GRIN3A: variants seen among roughly 807,000 people sequenced by gnomAD.
GRIN3A encodes the protein glutamate ionotropic receptor NMDA type subunit 3A, also known as glutamate receptor ionotropic, NMDA 3A.
GRIN3A carries 47 observed loss-of-function variants against 92.4 expected under a neutral mutation model. That is an observed-to-expected ratio of 0.51 (90% confidence interval 0.40 to 0.65). GRIN3A has a LOEUF of 0.65. Among genes scored for constraint, GRIN3A ranks in the 30% least tolerant of loss-of-function variants. The pLI is 0.00. For missense variants in GRIN3A, 1,324 were observed against 1,393.1 expected (o/e 0.95, Z 0.79); for synonymous variants, 527 against 540.6 (o/e 0.97, Z 0.35).
At chr9:101,669,476 C>A (rs1829287118) in intron 3 of GRIN3A, among the ~76,000 whole-genome samples, 1 of 152,060 alleles carries the variant, frequency 6.6e-6, no homozygotes, top group African/African-American at 2.4e-5. Context: ...AGGTAGTCAG[C>A]TGAGCAGCTC....
intron 1 of GRIN3A, among the ~76,000 whole-genome samples, chr9:101,715,302 G>A (rs77247314): frequency 9.9e-5 from 15 of 151,950 alleles, no homozygotes; most frequent in East Asian, 1.9e-4. Context: ...GACCATGGGC[G>A]TCCCATTACA....
chr9:101,720,472 G>A (rs7862148), intron 1 of GRIN3A, among the ~76,000 whole-genome samples: 1 of 151,822 alleles, frequency 6.6e-6, no homozygotes, highest in Non-Finnish European at 1.5e-5. Flanking sequence ...TTCTCCTCCC[G>A]ACTCCATATC....
intron 5 of GRIN3A, among the ~76,000 whole-genome samples, chr9:101,614,080 AAAAT>A (rs777729770): frequency 6.6e-6 from 1 of 152,206 alleles, no homozygotes. Flanking sequence ...AAATTGTCCA[AAAAT>A]AAATAAATAA....
At chr9:101,629,656 A>G (rs554788772) in intron 3 of GRIN3A, among the ~76,000 whole-genome samples, 8 of 152,350 alleles carry the variant, frequency 5.3e-5, no homozygotes, top group African/African-American at 1.7e-4. Context: ...CCTTAATGCC[A>G]CATCAACAAT....
chr9:101,656,789 A>G (rs566220827), intron 3 of GRIN3A, among the ~76,000 whole-genome samples: 4 of 151,972 alleles, frequency 2.6e-5, no homozygotes, highest in African/African-American at 9.6e-5. Context: ...CTTGTTGGGG[A>G]AAGACAAGGA....
intron 3 of GRIN3A, 78 bp downstream of exon 3, chr9:101,669,982 G>T (rs1829295058): frequency 2.8e-6 from 3 of 1,090,134 alleles, no homozygotes; most frequent in South Asian, 1.3e-5. Flanking sequence ...GGAAGAACAT[G>T]AGCATACTAC....
chr9:101,705,388 C>T (rs1829803076), intron 1 of GRIN3A, among the ~76,000 whole-genome samples: 2 of 152,074 alleles, frequency 1.3e-5, no homozygotes, highest in Admixed American at 6.5e-5. Flanking sequence ...CAAAGATTAC[C>T]TCTCCCGCCT....
chr9:101,705,702 G>A (rs372051090), intron 1 of GRIN3A, among the ~76,000 whole-genome samples: 43 of 152,294 alleles, frequency 2.8e-4, no homozygotes, highest in African/African-American at 9.1e-4. Context: ...GGGGATCAGA[G>A]AGTGAAAAAA....
intron 6 of GRIN3A, among the ~76,000 whole-genome samples, chr9:101,590,701 C>T (rs1257824134): frequency 2.0e-5 from 3 of 152,046 alleles, no homozygotes; most frequent in African/African-American, 7.2e-5. Flanking sequence ...TAAAAACATC[C>T]GAGCCTCCTC....
chr9:101,644,677 A>T (rs1447900282), intron 3 of GRIN3A, among the ~76,000 whole-genome samples: 2 of 149,636 alleles, frequency 1.3e-5, no homozygotes, highest in African/African-American at 5.0e-5. Context: ...TCACTGTAAA[A>T]CTCAAACGGA....
At chr9:101,669,968 A>T in intron 3 of GRIN3A, 92 bp downstream of exon 3, 1 of 974,400 alleles carries the variant, frequency 1.0e-6, no homozygotes, top group Non-Finnish European at 1.6e-6. Context: ...TTCCTGTGTT[A>T]GATGGAAGAA....
intron 6 of GRIN3A, among the ~76,000 whole-genome samples, chr9:101,607,662 G>A (rs571166971): frequency 1.1e-4 from 16 of 152,304 alleles, no homozygotes; most frequent in Admixed American, 3.3e-4. Flanking sequence ...TAAGGCACTC[G>A]CCAAAAGTAA....
At chr9:101,668,188 G>T (rs979137140) in intron 3 of GRIN3A, among the ~76,000 whole-genome samples, 8 of 151,836 alleles carry the variant, frequency 5.3e-5, no homozygotes, top group African/African-American at 1.9e-4. Flanking sequence ...CGTATAGCTT[G>T]TCTTTATAAT....
At chr9:101,636,850 G>C (rs990862910) in intron 3 of GRIN3A, among the ~76,000 whole-genome samples, 7 of 152,166 alleles carry the variant, frequency 4.6e-5, no homozygotes, top group African/African-American at 1.7e-4. Context: ...TTTACAAAAT[G>C]CATCCACGCA....
At chr9:101,633,931 T>C (rs923208087) in intron 3 of GRIN3A, among the ~76,000 whole-genome samples, 4 of 152,174 alleles carry the variant, frequency 2.6e-5, no homozygotes, top group Non-Finnish European at 5.9e-5. Context: ...GATGCAAATG[T>C]CATGGTTTAT....
chr9:101,603,839 C>T (rs1828240592), intron 6 of GRIN3A, among the ~76,000 whole-genome samples: 1 of 152,220 alleles, frequency 6.6e-6, no homozygotes, highest in Non-Finnish European at 1.5e-5. Context: ...TTTCACGCCT[C>T]AGTGTTTTAC....
At chr9:101,663,865 C>CT (rs71356374) in intron 3 of GRIN3A, among the ~76,000 whole-genome samples, 257 of 144,924 alleles carry the variant, frequency 1.8e-3, no homozygotes, top group African/African-American at 4.3e-3. Flanking sequence ...TTTTCTTTTT[C>CT]TTTTTTTTTT....
At chr9:101,698,252 C>T (rs1466812723) in intron 1 of GRIN3A, among the ~76,000 whole-genome samples, 1 of 152,162 alleles carries the variant, frequency 6.6e-6, no homozygotes, top group Non-Finnish European at 1.5e-5. Flanking sequence ...ATTTTGTTAG[C>T]ATTACTTAGC....
intron 3 of GRIN3A, among the ~76,000 whole-genome samples, chr9:101,631,355 A>G (rs1244779252): frequency 1.3e-5 from 2 of 152,300 alleles, no homozygotes; most frequent in South Asian, 4.1e-4. Context: ...AGCTTTCTAA[A>G]CAAACCCTCT....
Sources: gnomAD v4.1 joint callset for allele counts (sites outside exome capture counted in the v4.1 genomes callset) on GRCh38, gnomAD v4.1.1 for gene constraint, MANE v1.5 for transcripts, NCBI Gene and HGNC (gene_info 2026-07-23, HGNC 2026-07-21) for gene names.